IL7: variants seen among roughly 807,000 people sequenced by gnomAD.
IL7 encodes interleukin-7.
IL7 carries 3 observed loss-of-function variants against 21.6 expected under a neutral mutation model. The ratio of observed to expected loss-of-function variants is 0.14; its 90% CI spans 0.06 to 0.36. The LOEUF (loss-of-function observed/expected upper bound fraction) is 0.36. Ranked by LOEUF, IL7 falls within the 10% of genes least tolerant of loss-of-function variation. The probability of loss-of-function intolerance (pLI) is 1.00; values close to 1 mark genes in which losing one functional copy is unlikely to be tolerated. For missense variants in IL7, 175 were observed against 200.2 expected (o/e 0.87, Z 0.76); for synonymous variants, 62 against 68.1 (o/e 0.91, Z 0.44).
At chr8:78,693,418 GC>G in intron 3 of IL7, among the ~76,000 whole-genome samples, 1 of 152,192 alleles carries the variant, frequency 6.6e-6, no homozygotes, top group South Asian at 2.1e-4. Context: ...TTTAATTATC[GC>G]CATTCTAACT....
At position 78,800,323 on chromosome 8, in the gene IL7, G is replaced by T. The variant is rs115891933; in HGVS notation, c.11-2115C>A. Reference sequence around the variant, plus strand: ...TTTTCTCCCTCTCTTTTTGAGACAGGGTTTCACTCTGCTGCCCAGGCTGGA... The same window carrying T: ...TTTTCTCCCTCTCTTTTTGAGACAGTGTTTCACTCTGCTGCCCAGGCTGGA... On this transcript the variant is annotated intron_variant, in intron 1 of 5. Transcript: ENST00000263851. 5.2e-3 allele frequency among the ~76,000 whole-genome samples: 796 copies of T among 152,018 alleles called. 5 individuals are homozygous for T. Among genetic ancestry groups the T allele is most frequent in the African/African-American group, 0.018 (754 of 41,418 alleles).
chr8:78,678,504 C>A, intron 4 of IL7: 2 of 1,340,582 alleles, frequency 1.5e-6, no homozygotes, highest in Non-Finnish European at 2.1e-6. Context: ...AAATAAAGTT[C>A]TGTAGTCTTA....
intron 3 of IL7, among the ~76,000 whole-genome samples, chr8:78,687,196 G>A (rs1165732204): frequency 6.6e-6 from 1 of 151,908 alleles, no homozygotes; most frequent in African/African-American, 2.4e-5. Flanking sequence ...AAGTGACAAA[G>A]TTGACACTTT....
At chr8:78,765,160 A>C (rs1289785129) in intron 2 of IL7, among the ~76,000 whole-genome samples, 12 of 152,128 alleles carry the variant, frequency 7.9e-5, no homozygotes, top group Admixed American at 3.3e-4. Context: ...ACAGACCTTG[A>C]ACCTTTCACA....
chr8:78,767,148 A>T lies in IL7; in HGVS notation c.148-27066T>A, dbSNP rs181059276. 1.4e-3 allele frequency among the ~76,000 whole-genome samples: 207 copies of T among 152,126 alleles called. 2 individuals carry two copies. The highest frequency in any genetic ancestry group is 8.8e-4 in the Non-Finnish European group (60 of 67,952). ...TTTAATGATCAGTTGATAATTTTAT[A>T]TAAGGGATTAAAAAAATTTTTGATA... On this transcript the variant is annotated intron_variant, in intron 2 of 5. Transcript: ENST00000263851.
intron 3 of IL7, chr8:78,686,522 C>G: frequency 1.3e-6 from 2 of 1,550,830 alleles, no homozygotes; most frequent in Non-Finnish European, 1.7e-6. Flanking sequence ...GAATTCATTG[C>G]TACCATAAGA....
At chr8:78,723,024 A>G (rs191815587) in intron 3 of IL7, among the ~76,000 whole-genome samples, 46 of 150,232 alleles carry the variant, frequency 3.1e-4, no homozygotes, top group Middle Eastern at 3.5e-3. Flanking sequence ...AGGGGGGAAT[A>G]CATGCATTCT....
At chr8:78,682,246 A>G (rs1208483287) in intron 4 of IL7, among the ~76,000 whole-genome samples, 3 of 152,146 alleles carry the variant, frequency 2.0e-5, no homozygotes, top group African/African-American at 7.2e-5. Flanking sequence ...TGTAACCAAT[A>G]CCATAAGTGC....
At chr8:78,804,873 C>T (rs765990450) in intron 1 of IL7, 40 bp downstream of exon 1, 1 of 1,611,706 alleles carries the variant, frequency 6.2e-7, no homozygotes. Flanking sequence ...CCCGGCGCGT[C>T]GGGCGCGCGA....
intron 2 of IL7, among the ~76,000 whole-genome samples, chr8:78,784,052 A>T (rs755146180): frequency 1.1e-4 from 17 of 152,358 alleles, no homozygotes; most frequent in Admixed American, 3.3e-4. Context: ...TAATGATTTT[A>T]AAATGTCACT....
chr8:78,722,002 T>A (rs1348898800), intron 3 of IL7, among the ~76,000 whole-genome samples: 1 of 151,972 alleles, frequency 6.6e-6, no homozygotes, highest in Non-Finnish European at 1.5e-5. Context: ...CGTTTGTATA[T>A]AAAATATTCC....
chr8:78,689,970 T>C (rs1341325306), intron 3 of IL7, among the ~76,000 whole-genome samples: 2 of 152,190 alleles, frequency 1.3e-5, no homozygotes, highest in African/African-American at 2.4e-5. Flanking sequence ...AGGCTGGTAT[T>C]TGTGTATAGT....
chr8:78,770,748 T>C (rs1812922637), intron 2 of IL7, among the ~76,000 whole-genome samples: 1 of 152,004 alleles, frequency 6.6e-6, no homozygotes, highest in Non-Finnish European at 1.5e-5. Flanking sequence ...AGATAGTATG[T>C]AGACAGATAC....
chr8:78,715,158 G>A (rs986635923), downstream of IL7: 18 of 1,409,716 alleles, frequency 1.3e-5, no homozygotes, highest in Non-Finnish European at 1.7e-5. Flanking sequence ...ATGTGAATAG[G>A]TAATTTGAGA....
At chr8:78,695,237 A>G (rs924857875) in intron 3 of IL7, among the ~76,000 whole-genome samples, 2 of 152,220 alleles carry the variant, frequency 1.3e-5, no homozygotes, top group African/African-American at 2.4e-5. Context: ...AAACTCAACA[A>G]TAAAATTTAG....
chr8:78,689,431 A>G (rs929778894), intron 3 of IL7: 1 of 1,450,826 alleles, frequency 6.9e-7, no homozygotes, highest in Non-Finnish European at 9.2e-7. Context: ...ACATTCATAG[A>G]TTATTGTTTA....
intron 4 of IL7, among the ~76,000 whole-genome samples, chr8:78,737,630 C>T (rs549293296): frequency 1.2e-4 from 18 of 152,210 alleles, no homozygotes; most frequent in Non-Finnish European, 1.6e-4. Context: ...ATTTTTATCA[C>T]TGTCAATAGG....
intron 4 of IL7, among the ~76,000 whole-genome samples, chr8:78,679,725 A>G (rs1481456221): frequency 6.6e-6 from 1 of 152,182 alleles, no homozygotes; most frequent in Non-Finnish European, 1.5e-5. Flanking sequence ...AATGGTAATA[A>G]CTTCTTCCAG....
At chr8:78,676,439 C>T (rs1317012966) in intron 4 of IL7, among the ~76,000 whole-genome samples, 10 of 151,838 alleles carry the variant, frequency 6.6e-5, no homozygotes, top group Admixed American at 1.3e-4. Flanking sequence ...CAAATAAAAA[C>T]GCTTTTAACT....
Sources: allele counts gnomAD v4.1 joint callset (sites outside exome capture counted in the v4.1 genomes callset), GRCh38; gene constraint gnomAD v4.1.1; transcripts MANE v1.5; gene names NCBI Gene and HGNC (gene_info 2026-07-23, HGNC 2026-07-21).